Variants in MINK1 observed in about 807,000 individuals in gnomAD.
The protein encoded by MINK1 is misshapen like kinase 1, also known as misshapen-like kinase 1.
Under a neutral mutation model 178.4 loss-of-function variants are expected in MINK1, and 46 were observed. That is an observed-to-expected ratio of 0.26 (90% CI 0.20 to 0.33). The LOEUF (loss-of-function observed/expected upper bound fraction) is 0.33, where lower values mean the gene tolerates loss of function less well. Ranked by LOEUF, MINK1 falls within the 10% of genes least tolerant of loss-of-function variation. MINK1 has a pLI of 1.00. For missense variants in MINK1, 1,366 were observed against 1,814.9 expected (o/e 0.75, Z 4.49); for synonymous variants, 797 against 709.7 (o/e 1.12, Z -1.96).
At chr17:4,876,003 G>A (rs1053790434) in intron 1 of MINK1, among the ~76,000 whole-genome samples, 1 of 151,912 alleles carries the variant, frequency 6.6e-6, no homozygotes, top group African/African-American at 2.4e-5. Context: ...CACCATGTTA[G>A]CCAGGATGGT....
At position 4,884,414 on chromosome 17, in the gene MINK1, A is replaced by G. The variant is rs1968010898; in HGVS notation, c.358A>G (p.Thr120Ala). 1 of 1,613,854 alleles carries G rather than the reference A, an allele frequency of 6.2e-7. No homozygotes were observed. The highest frequency in any genetic ancestry group is 2.2e-5 in the East Asian group (1 of 44,898). ...TTCAGTGACTGACCTGGTAAAGAAC[A>G]CAAAAGGCAACGCCCTGAAGGAGGA... The part of the protein sequence containing the change: ...AGSVTDLVKN[T>A]KGNALKEDCI... The change falls in exon 5 of 32, where the codon ACA becomes GCA. Residue 120 changes from threonine (T) to alanine (A), a missense_variant. Transcript: ENST00000355280.
chr17:4,853,897 A>C (rs965969914), intron 1 of MINK1, among the ~76,000 whole-genome samples: 1 of 152,122 alleles, frequency 6.6e-6, no homozygotes, highest in Non-Finnish European at 1.5e-5. Flanking sequence ...ACTTTGCAAG[A>C]TACTCCAGCT....
At chr17:4,873,395 A>G (rs58471389) in intron 1 of MINK1, among the ~76,000 whole-genome samples, 69 of 4,006 alleles carry the variant, frequency 0.017, 8 homozygotes, top group African/African-American at 0.11. Flanking sequence ...CCCCAATTCA[A>G]CATTCAAACC....
chr17:4,835,733 T>C (rs1359538346), intron 1 of MINK1, among the ~76,000 whole-genome samples: 1 of 152,170 alleles, frequency 6.6e-6, no homozygotes, highest in Non-Finnish European at 1.5e-5. Context: ...CTTTTGGTAG[T>C]TTGGCCTGGA....
At chr17:4,840,550 G>T (rs1209694821) in intron 1 of MINK1, among the ~76,000 whole-genome samples, 1 of 152,154 alleles carries the variant, frequency 6.6e-6, no homozygotes, top group Non-Finnish European at 1.5e-5. Flanking sequence ...AGAGAGGAGG[G>T]TGTATCCCTA....
At chr17:4,857,191 C>A in intron 1 of MINK1, 3 of 311,590 alleles carry the variant, frequency 9.6e-6, no homozygotes, top group East Asian at 1.1e-4. Context: ...GTGATGATAC[C>A]AGCCATGACC....
chr17:4,887,253 G>T lies in MINK1; in HGVS notation c.1019+74G>T. 1 of 1,454,786 alleles carries T rather than the reference G, an allele frequency of 6.9e-7. No homozygotes were observed. The highest frequency in any genetic ancestry group is 2.5e-5 in the East Asian group (1 of 40,704). The allele number at this position is 1,454,786 out of a possible 1,614,324, so 90.1% of individuals were successfully genotyped here. A position where few individuals can be genotyped will look rare whatever the true frequency, so the allele number is the denominator to read the frequency against. On this transcript the variant is annotated intron_variant, in intron 11 of 31. Coordinates refer to ENST00000355280, the MANE Select transcript of MINK1 (RefSeq NM_153827.5). This position sits in a 1 kb window ranked among gnomAD's most constrained non-coding sequence, Gnocchi z 7.6. ...GGGGACTACAGTGGTGCTTGGCTTT[G>T]GGGACTCTCAGCCTGGGGGTGGTGG... is the stretch of plus-strand genomic sequence containing the variant.
At chr17:4,889,350 C>T (rs945040527) in intron 12 of MINK1, among the ~76,000 whole-genome samples, 1 of 152,050 alleles carries the variant, frequency 6.6e-6, no homozygotes, top group Non-Finnish European at 1.5e-5. Flanking sequence ...GTTTTGAGTT[C>T]GGCTTTGGTT....
At chr17:4,856,457 C>A (rs1486074618) in intron 1 of MINK1, among the ~76,000 whole-genome samples, 1 of 151,926 alleles carries the variant, frequency 6.6e-6, no homozygotes, top group Non-Finnish European at 1.5e-5. Context: ...TCTTTCCCTC[C>A]CCCGACATCT....
chr17:4,885,344 G>A lies in MINK1; in HGVS notation c.509-139G>A, dbSNP rs1291910362. Reference sequence around the variant, plus strand: ...TCGGGTTCTTCAGGATGGTGGTGGGGTAAAGGAGGGTGCTGGGGTGTCTGG... The same window carrying A: ...TCGGGTTCTTCAGGATGGTGGTGGGATAAAGGAGGGTGCTGGGGTGTCTGG... On this transcript the variant is annotated intron_variant, in intron 6 of 31. Transcript: ENST00000355280. The surrounding 1 kb of genome is among the most constrained non-coding windows in gnomAD (Gnocchi z 5.0). 3 of 1,122,508 alleles carry A rather than the reference G, an allele frequency of 2.7e-6. No individual in the cohort carries two copies. In the African/African-American group the frequency reaches 4.7e-5, roughly 17 times the overall value. 69.5% of individuals were successfully genotyped at this position (1,122,508 alleles called of 1,614,324 possible). A position where few individuals can be genotyped will look rare whatever the true frequency, so the allele number is the denominator to read the frequency against.
intron 21 of MINK1, 185 bp from the exon 22 acceptor site, chr17:4,893,803 G>T: frequency 1.1e-6 from 1 of 896,898 alleles, no homozygotes; most frequent in Non-Finnish European, 1.6e-6. Flanking sequence ...CTGCCCCTGT[G>T]CCAGCCTGCC....
Position 4,885,023 on chromosome 17 carries a change from G to T in MINK1, c.508+21G>T. The T allele has an allele frequency of 1.2e-6, 2 of 1,612,392 alleles. No individual in the cohort carries two copies. The highest frequency in any genetic ancestry group is 4.5e-5 in the East Asian group (2 of 44,862). Reference sequence around the variant, plus strand: ...GCTAGGTGCGCCGGCTCCTTCTGAGGCTGACGAGGACCTTTCACCTCCAGA... The same window carrying T: ...GCTAGGTGCGCCGGCTCCTTCTGAGTCTGACGAGGACCTTTCACCTCCAGA... On this transcript the variant is annotated intron_variant, in intron 6 of 31. Coordinates refer to ENST00000355280, the MANE Select transcript of MINK1 (RefSeq NM_153827.5). This position sits in a 1 kb window ranked among gnomAD's most constrained non-coding sequence, Gnocchi z 5.0.
In MINK1 at chr17:4,894,067, G is replaced by A. The variant is rs1244315282; in HGVS notation, c.2644G>A (p.Gly882Arg). ...EEITGTQPPY[G>R]GGTMVVQRTP... is the part of the protein sequence containing the mutation. ...GATCACCGGGACCCAGCCCCCATAC[G>A]GGGGCGGCACCATGGTGGTCCAGCG... Residue 882 changes from glycine to arginine, a missense_variant, in exon 22 of 32, where the codon GGG becomes AGG. Gly to Arg is a moderately radical substitution (Grantham distance 125). Coordinates refer to ENST00000355280, the MANE Select transcript of MINK1 (RefSeq NM_153827.5). This position sits in a 1 kb window ranked among gnomAD's most constrained non-coding sequence, Gnocchi z 4.1. 6 of 1,587,358 alleles carry A rather than the reference G, an allele frequency of 3.8e-6. No individual in the cohort carries two copies. The highest frequency in any genetic ancestry group is 1.8e-5 in the Admixed American group (1 of 56,258).
In MINK1 at chr17:4,886,639, G is replaced by C. The variant is rs991103905; in HGVS notation, c.949+13G>C. ...CGGGGTGAGAAAGGTCAGTGGGCAG[G>C]CTGGAGGGGGCAGGTACTAGGGGAC... is the stretch of plus-strand genomic sequence containing the variant. On this transcript the variant is annotated intron_variant, in intron 10 of 31. Coordinates refer to ENST00000355280, the MANE Select transcript of MINK1 (RefSeq NM_153827.5). This position sits in a 1 kb window ranked among gnomAD's most constrained non-coding sequence, Gnocchi z 6.1. 6.4e-7 allele frequency: 1 copy of C among 1,569,436 alleles called. No homozygotes were observed. The highest frequency in any genetic ancestry group is 1.8e-5 in the Admixed American group (1 of 55,188).
At position 4,895,516 on chromosome 17, in the gene MINK1, A is replaced by G; in HGVS notation, c.3229+23A>G. 2 of 1,554,916 alleles carry G rather than the reference A, an allele frequency of 1.3e-6. No homozygotes were observed. Among genetic ancestry groups the G allele is most frequent in the Non-Finnish European group, 1.7e-6 (2 of 1,146,214 alleles). The stretch of plus-strand genomic sequence containing the variant: ...CAGGTACAGGTGTGGTGAGTGGGGG[A>G]GGGAGGAGGGGCTCAGCTCCTTGGC... On this transcript the variant is annotated intron_variant, in intron 26 of 31. Coordinates refer to ENST00000355280, the MANE Select transcript of MINK1 (RefSeq NM_153827.5). This position sits in a 1 kb window ranked among gnomAD's most constrained non-coding sequence, Gnocchi z 4.3.
chr17:4,895,211 C>A lies in MINK1; in HGVS notation c.3054C>A (p.Phe1018Leu). The change falls in exon 25 of 32, where the codon TTC becomes TTA. Residue 1018 changes from phenylalanine to leucine, a missense_variant. Around this residue, in one of 14 missense-constraint regions of MINK1, gnomAD observed 42 missense variants for 64.0 expected, o/e 0.66. Transcript: ENST00000355280. This position sits in a 1 kb window ranked among gnomAD's most constrained non-coding sequence, Gnocchi z 4.3. ...TPEIRKYKKRFNSEILCAALW... is the reference protein window; with the variant it reads ...TPEIRKYKKRLNSEILCAALW... ...AGATCCGGAAGTACAAGAAGCGATTCAACTCCGAGATCCTCTGTGCAGCCC... is the reference window on the plus strand; with the variant it reads ...AGATCCGGAAGTACAAGAAGCGATTAAACTCCGAGATCCTCTGTGCAGCCC... 1 of 1,614,118 alleles carries A rather than the reference C, an allele frequency of 6.2e-7. No individual in the cohort carries two copies. The highest frequency in any genetic ancestry group is 1.1e-5 in the South Asian group (1 of 91,074).
Position 4,894,813 on chromosome 17 carries a change from A to C in MINK1, c.2917+180A>C. On this transcript the variant is annotated intron_variant, in intron 24 of 31. Transcript: ENST00000355280. This position sits in a 1 kb window ranked among gnomAD's most constrained non-coding sequence, Gnocchi z 4.1. ...CTCTGAGACCCCTCCTTCCTGTCCCACAGGACAGGAAATGCTCAGAGTTGC... is the reference window on the plus strand; with the variant it reads ...CTCTGAGACCCCTCCTTCCTGTCCCCCAGGACAGGAAATGCTCAGAGTTGC... The C allele has an allele frequency of 3.1e-6, 2 of 636,308 alleles. No individual in the cohort carries two copies. Among genetic ancestry groups the C allele is most frequent in the Non-Finnish European group, 5.4e-6 (2 of 367,956 alleles). The allele number at this position is 636,308 out of a possible 1,614,324, so 39.4% of individuals were successfully genotyped here.
rs549467410 is a variant in MINK1 at position 4,892,289 on chromosome 17, AG to A, written c.2087+62del. Reference sequence around the variant, plus strand: ...GAGGTCTGAGGGCAGCCTAGGGAGTAGGGGGGGCACAGGGACTTTACCAGCC... The same window carrying A: ...GAGGTCTGAGGGCAGCCTAGGGAGTAGGGGGGCACAGGGACTTTACCAGCC... On this transcript the variant is annotated intron_variant, in intron 17 of 31. Transcript: ENST00000355280. 2.4e-4 allele frequency: 364 copies of A among 1,513,724 alleles called. 3 individuals carry two copies. In the East Asian group the frequency reaches 5.5e-3, roughly 23 times the overall value. The allele number at this position is 1,513,724 out of a possible 1,614,324, so 93.8% of individuals were successfully genotyped here.
At chr17:4,862,884 AAGT>A (rs1914391676) in intron 1 of MINK1, among the ~76,000 whole-genome samples, 3 of 151,996 alleles carry the variant, frequency 2.0e-5, no homozygotes, top group African/African-American at 7.3e-5. Context: ...AGGTTTTAAA[AAGT>A]AGCTGGGCAT....
Sources: allele counts gnomAD v4.1 joint callset (sites outside exome capture counted in the v4.1 genomes callset), GRCh38; gene constraint gnomAD v4.1.1; regional missense constraint gnomAD v4.1.1; non-coding constraint Gnocchi (gnomAD v3.1); transcripts MANE v1.5; gene names NCBI Gene and HGNC (gene_info 2026-07-23, HGNC 2026-07-21).